POC1B: variants seen among roughly 807,000 people sequenced by gnomAD.
POC1B encodes the protein POC1 centriolar protein B.
Under a neutral mutation model 60.6 loss-of-function variants are expected in POC1B, and 44 were observed. That is an observed-to-expected ratio of 0.73 (90% confidence interval 0.57 to 0.93). The LOEUF (loss-of-function observed/expected upper bound fraction) is 0.93, where lower values mean the gene tolerates loss of function less well. POC1B is among the 40% of genes least tolerant of loss of function. The pLI is 0.00. For missense variants in POC1B, 555 were observed against 572.3 expected (o/e 0.97, Z 0.31); for synonymous variants, 180 against 198.9 (o/e 0.90, Z 0.80).
intron 2 of POC1B, chr12:89,523,492 T>G (rs1871113335): frequency 6.2e-7 from 1 of 1,611,994 alleles, no homozygotes; most frequent in Non-Finnish European, 8.5e-7. Flanking sequence ...CGGGTGGATC[T>G]CCAATTTGCC....
chr12:89,489,971 T>C (rs1868866227), intron 4 of POC1B, among the ~76,000 whole-genome samples: 1 of 152,136 alleles, frequency 6.6e-6, no homozygotes, highest in African/African-American at 2.4e-5. Context: ...CTCTTCTAAC[T>C]GGAGCTGGGA....
rs1042072126 is a variant in POC1B, at chr12:89,501,690, T to C, written c.101-4348A>G. 9.1e-6 allele frequency: 9 copies of C among 986,390 alleles called. No individual in the cohort carries two copies. The African/African-American group carries it at 1.3e-4, about 14-fold the overall frequency. The allele number at this position is 986,390 out of a possible 1,614,324, so 61.1% of individuals were successfully genotyped here. On this transcript the variant is annotated intron_variant, in intron 2 of 11. Transcript: ENST00000313546. ...GAAGAATTTCCAGGCATCCGTCTAA[T>C]TGGTGGGTGGTAAAATCAGAGGAGA...
At chr12:89,438,222 C>T (rs1881358227) in intron 10 of POC1B, among the ~76,000 whole-genome samples, 1 of 152,106 alleles carries the variant, frequency 6.6e-6, no homozygotes, top group East Asian at 1.9e-4. Flanking sequence ...CTTTGGGAGG[C>T]CGAGGCGGGC....
At chr12:89,463,934 G>C (rs761697385) in intron 9 of POC1B, among the ~76,000 whole-genome samples, 22 of 152,122 alleles carry the variant, frequency 1.4e-4, no homozygotes, top group Non-Finnish European at 2.5e-4. Flanking sequence ...TTTTGCAAAA[G>C]GCCAAACTAT....
At chr12:89,492,228 CT>C (rs1308701508) in intron 3 of POC1B, 113 bp from the exon 4 acceptor site, 1 of 846,694 alleles carries the variant, frequency 1.2e-6, no homozygotes, top group Non-Finnish European at 1.7e-6. Flanking sequence ...TGGTTTAACT[CT>C]TGTAAAACCT....
At chr12:89,476,759 T>TAGATAGACAGACAGACAGACAGAC (rs1485211003) in intron 4 of POC1B, among the ~76,000 whole-genome samples, 1 of 58,582 alleles carries the variant, frequency 1.7e-5, no homozygotes, top group African/African-American at 5.2e-5. Flanking sequence ...GATAGATAGA[T>TAGATAGACAGACAGACAGACAGAC]AGACAGACAG....
intron 7 of POC1B, among the ~76,000 whole-genome samples, chr12:89,468,086 A>T (rs539161904): frequency 6.6e-6 from 1 of 152,226 alleles, no homozygotes; most frequent in Non-Finnish European, 1.5e-5. Context: ...CATGAAGTCC[A>T]TTTCCTGACC....
At chr12:89,497,096 G>A (rs1592627955) in intron 3 of POC1B, 75 bp downstream of exon 3, 1 of 1,474,338 alleles carries the variant, frequency 6.8e-7, no homozygotes, top group South Asian at 1.3e-5. Flanking sequence ...AGCAGTGCAT[G>A]AGCAGCAGCC....
intron 9 of POC1B, among the ~76,000 whole-genome samples, chr12:89,464,644 C>T (rs1469554842): frequency 6.6e-6 from 1 of 151,420 alleles, no homozygotes; most frequent in Non-Finnish European, 1.5e-5. Context: ...CGCGCCACCA[C>T]ACCCAGCAAA....
rs139995124 is a variant in POC1B at position 89,523,004 on chromosome 12, G to T, written c.100+2116C>A. 7.4e-3 allele frequency: 11,862 copies of T among 1,613,866 alleles called. 60 individuals carry two copies. Among genetic ancestry groups the T allele is most frequent in the Non-Finnish European group, 9.4e-3 (11,064 of 1,179,828 alleles). On this transcript the variant is annotated intron_variant, in intron 2 of 11. Coordinates refer to ENST00000313546, the MANE Select transcript of POC1B (RefSeq NM_172240.3). ...GGGAACCCATCTTTGGGACAATTTT[G>T]CATTCCCACATAATTTTTTTGCTCA...
At chr12:89,458,812 T>G (rs143938600) in intron 10 of POC1B, among the ~76,000 whole-genome samples, 220 of 152,322 alleles carry the variant, frequency 1.4e-3, no homozygotes, top group African/African-American at 5.2e-3. Context: ...CCATTTGTTC[T>G]TACGATTAGT....
intron 4 of POC1B, among the ~76,000 whole-genome samples, chr12:89,487,155 C>T (rs1014167948): frequency 6.6e-6 from 1 of 152,148 alleles, no homozygotes; most frequent in African/African-American, 2.4e-5. Flanking sequence ...CCCATGGTTC[C>T]AACAAGACTC....
intron 2 of POC1B, among the ~76,000 whole-genome samples, chr12:89,510,010 T>TA (rs1346349535): frequency 2.8e-5 from 2 of 72,256 alleles, no homozygotes; most frequent in Non-Finnish European, 6.1e-5. Context: ...CACACTCAGT[T>TA]AATTTTTTTT....
intron 2 of POC1B, chr12:89,501,476 C>A: frequency 2.0e-6 from 2 of 1,017,376 alleles, no homozygotes; most frequent in Non-Finnish European, 3.0e-6. Context: ...CAAAGAAATT[C>A]AGACAGAAAT....
At chr12:89,500,483 C>T (rs1206225293) in intron 2 of POC1B, 15 of 1,587,490 alleles carry the variant, frequency 9.4e-6, no homozygotes, top group Admixed American at 1.7e-5. Flanking sequence ...CAAAAATACA[C>T]CTGACTTGAA....
chr12:89,470,503 T>A lies in POC1B; in HGVS notation c.677-9A>T. The stretch of plus-strand genomic sequence containing the variant: ...AACTCCACCGCTGTGAACTGATTTG[T>A]AGAAAATAAAAGCAAAAAGTTCAGA... On this transcript the variant is annotated splice_polypyrimidine_tract_variant and intron_variant, in intron 6 of 11. Coordinates refer to ENST00000313546, the MANE Select transcript of POC1B (RefSeq NM_172240.3). The A allele has an allele frequency of 1.2e-5, 19 of 1,584,652 alleles. No individual in the cohort carries two copies. The highest frequency in any genetic ancestry group is 1.6e-5 in the Non-Finnish European group (19 of 1,160,052).
At chr12:89,415,598 G>A (rs1019651464), downstream of POC1B, among the ~76,000 whole-genome samples, 2 of 151,276 alleles carry the variant, frequency 1.3e-5, no homozygotes, top group African/African-American at 2.4e-5. Flanking sequence ...AGCCGAGATC[G>A]CGCCACTGCA....
chr12:89,524,216 G>T, intron 2 of POC1B: 1 of 1,613,990 alleles, frequency 6.2e-7, no homozygotes, highest in South Asian at 1.1e-5. Flanking sequence ...TGTCGATGCA[G>T]GGAAATCCTG....
At chr12:89,464,553 T>C (rs1273423576) in intron 9 of POC1B, among the ~76,000 whole-genome samples, 1 of 142,288 alleles carries the variant, frequency 7.0e-6, no homozygotes, top group Non-Finnish European at 1.5e-5. Context: ...ACTGACATGA[T>C]CTCGGCTCAC....
Sources: gnomAD v4.1 joint callset for allele counts (sites outside exome capture counted in the v4.1 genomes callset) on GRCh38, gnomAD v4.1.1 for gene constraint, MANE v1.5 for transcripts, NCBI Gene and HGNC (gene_info 2026-07-23, HGNC 2026-07-21) for gene names.